Variants in STXBP6 observed in about 807,000 individuals in gnomAD.
The protein encoded by STXBP6 is syntaxin binding protein 6, also known as syntaxin-binding protein 6.
A neutral mutation model predicts 26.9 loss-of-function variants in STXBP6; 21 were observed. The ratio of observed to expected loss-of-function variants is 0.78; its 90% CI spans 0.55 to 1.12. STXBP6 has a LOEUF of 1.12. Ranked by LOEUF, STXBP6 falls within the 50% of genes most tolerant of loss-of-function variation. STXBP6 has a pLI of 0.00. For synonymous variants in STXBP6, 97 were observed against 92.6 expected, an observed-to-expected ratio of 1.05 and a Z score of -0.27; for missense variants, 232 against 257.9, an observed-to-expected ratio of 0.90 and a Z score of 0.69.
At chr14:24,977,217 T>C (rs1355793132) in intron 1 of STXBP6, among the ~76,000 whole-genome samples, 3 of 152,044 alleles carry the variant, frequency 2.0e-5, no homozygotes, top group Admixed American at 2.0e-4. Flanking sequence ...TTTTGCTTTT[T>C]CATCTCAGGT....
chr14:25,024,862 G>A (rs1362077489), intron 1 of STXBP6, among the ~76,000 whole-genome samples: 1 of 152,140 alleles, frequency 6.6e-6, no homozygotes, highest in East Asian at 1.9e-4. Flanking sequence ...CACTTATGAA[G>A]CATTATTATA....
intron 1 of STXBP6, among the ~76,000 whole-genome samples, chr14:25,027,041 C>T (rs1278664197): frequency 2.6e-5 from 4 of 152,090 alleles, no homozygotes; most frequent in Non-Finnish European, 2.9e-5. Flanking sequence ...TTCCCAATTG[C>T]GGGGACAGAA....
intron 2 of STXBP6, among the ~76,000 whole-genome samples, chr14:24,901,298 G>GA (rs1483814950): frequency 3.3e-5 from 5 of 151,028 alleles, no homozygotes; most frequent in Admixed American, 2.0e-4. Context: ...TTTTGAGATT[G>GA]AAAAAAAATA....
intron 2 of STXBP6, among the ~76,000 whole-genome samples, chr14:24,860,571 C>T (rs1021931827): frequency 7.2e-5 from 11 of 152,104 alleles, no homozygotes; most frequent in African/African-American, 2.7e-4. Context: ...CCAGTTTGGC[C>T]TAGGAGACAA....
chr14:24,975,960 G>C (rs1457195192), intron 1 of STXBP6, among the ~76,000 whole-genome samples: 1 of 152,166 alleles, frequency 6.6e-6, no homozygotes, highest in Non-Finnish European at 1.5e-5. Flanking sequence ...AGGGCCCATG[G>C]GTTGGACATG....
intron 1 of STXBP6, among the ~76,000 whole-genome samples, chr14:25,030,376 A>T (rs768205833): frequency 6.6e-6 from 1 of 152,228 alleles, no homozygotes; most frequent in South Asian, 2.1e-4. Flanking sequence ...GAGCCTGGCC[A>T]CTTCCTTCCC....
At chr14:25,018,658 C>T (rs1171099516) in intron 1 of STXBP6, among the ~76,000 whole-genome samples, 1 of 152,208 alleles carries the variant, frequency 6.6e-6, no homozygotes, top group Non-Finnish European at 1.5e-5. Context: ...GTGTCCTGGT[C>T]TCAATCTGCC....
At chr14:24,902,490 C>G (rs549547300) in intron 2 of STXBP6, among the ~76,000 whole-genome samples, 1 of 152,106 alleles carries the variant, frequency 6.6e-6, no homozygotes, top group Non-Finnish European at 1.5e-5. Flanking sequence ...TATTATTTTG[C>G]CTACCATAGA....
intron 1 of STXBP6, among the ~76,000 whole-genome samples, chr14:25,041,330 C>A (rs1291138906): frequency 1.3e-5 from 2 of 151,856 alleles, no homozygotes; most frequent in Admixed American, 6.6e-5. Context: ...TAAATAAATA[C>A]ATAAATAAAT....
At chr14:25,017,157 AT>A (rs1238125749) in intron 1 of STXBP6, among the ~76,000 whole-genome samples, 2 of 152,218 alleles carry the variant, frequency 1.3e-5, no homozygotes, top group Non-Finnish European at 2.9e-5. Flanking sequence ...TTCTTGGAAA[AT>A]AAACAGAATG....
rs2073792075 is a variant in STXBP6, at chr14:24,968,133, C to A, written c.154+6532G>T. Among the ~76,000 whole-genome samples the A allele has an allele frequency of 2.0e-5, 3 of 148,698 alleles. No individual in the cohort carries two copies. In the Admixed American group the frequency reaches 2.0e-4, roughly 10 times the overall value. On this transcript the variant is annotated intron_variant, in intron 2 of 5. Transcript: ENST00000323944. ...ACTTTTATATAATTTTTAAAAATTT[C>A]TTAATTTCCGTAATATTCACTATTT... is the stretch of plus-strand genomic sequence containing the variant.
At chr14:25,003,307 C>G (rs976855817) in intron 1 of STXBP6, among the ~76,000 whole-genome samples, 18 of 152,184 alleles carry the variant, frequency 1.2e-4, no homozygotes, top group African/African-American at 4.1e-4. Flanking sequence ...GAGCCTCTTC[C>G]TGTGAAATAT....
At chr14:24,866,334 TA>T (rs1036593069) in intron 2 of STXBP6, among the ~76,000 whole-genome samples, 7 of 151,948 alleles carry the variant, frequency 4.6e-5, no homozygotes, top group Admixed American at 3.3e-4. Flanking sequence ...TTCCTTAAAA[TA>T]AATCTCTTTT....
chr14:24,880,328 T>G (rs2070310229), intron 2 of STXBP6, among the ~76,000 whole-genome samples: 1 of 152,116 alleles, frequency 6.6e-6, no homozygotes, highest in Non-Finnish European at 1.5e-5. Context: ...GAGCAAAGAT[T>G]GTGAAAATTT....
rs2071134079 is a variant in STXBP6, at chr14:24,899,749, C to T, written c.155-42592G>A. 3.2e-5 allele frequency among the ~76,000 whole-genome samples: 4 copies of T among 123,328 alleles called. No individual in the cohort carries two copies. The Admixed American group carries it at 4.8e-4, about 15-fold the overall frequency. 80.9% of individuals were successfully genotyped at this position (123,328 alleles called of 152,430 possible). On this transcript the variant is annotated intron_variant, in intron 2 of 5. Coordinates refer to ENST00000323944, the MANE Select transcript of STXBP6 (RefSeq NM_001394410.1). ...TGAGCCGAGATCGTGCCACCGCACT[C>T]TAGCCTGTAAAACAGAGCGAGACTA... is the stretch of plus-strand genomic sequence containing the variant.
intron 2 of STXBP6, among the ~76,000 whole-genome samples, chr14:24,876,047 A>G (rs2070132520): frequency 6.6e-6 from 1 of 152,110 alleles, no homozygotes; most frequent in Non-Finnish European, 1.5e-5. Context: ...TGGATGCAGG[A>G]CAGCTTCTTT....
intron 2 of STXBP6, among the ~76,000 whole-genome samples, chr14:24,961,784 G>A (rs1331146186): frequency 6.7e-6 from 1 of 149,350 alleles, no homozygotes; most frequent in Non-Finnish European, 1.5e-5. Flanking sequence ...CGTGTACCCT[G>A]TAAATCTAAG....
At chr14:24,878,215 T>C (rs2070218907) in intron 2 of STXBP6, among the ~76,000 whole-genome samples, 1 of 152,136 alleles carries the variant, frequency 6.6e-6, no homozygotes, top group African/African-American at 2.4e-5. Context: ...TTTGTTTTGT[T>C]ATGCTTTTTT....
At chr14:24,926,579 A>G (rs1442083480) in intron 2 of STXBP6, among the ~76,000 whole-genome samples, 1 of 152,202 alleles carries the variant, frequency 6.6e-6, no homozygotes, top group African/African-American at 2.4e-5. Flanking sequence ...GTGCTTGCTA[A>G]GATTTGTATC....
Sources: allele counts gnomAD v4.1 joint callset (sites outside exome capture counted in the v4.1 genomes callset), GRCh38; gene constraint gnomAD v4.1.1; transcripts MANE v1.5; gene names NCBI Gene and HGNC (gene_info 2026-07-23, HGNC 2026-07-21).